TOGARAM1: variants seen among roughly 807,000 people sequenced by gnomAD.
TOGARAM1 encodes TOG array regulator of axonemal microtubules protein 1.
In TOGARAM1, 100 loss-of-function variants were observed where a neutral mutation model predicts 166.6. The observed-to-expected ratio is 0.60, with a 90% CI of 0.51 to 0.71. The LOEUF (loss-of-function observed/expected upper bound fraction) is 0.71, where lower values mean the gene tolerates loss of function less well. Ranked by LOEUF, TOGARAM1 falls within the 30% of genes least tolerant of loss-of-function variation. The probability of loss-of-function intolerance (pLI) is 0.00; values close to 1 mark genes in which losing one functional copy is unlikely to be tolerated. For missense variants in TOGARAM1, 2,029 were observed against 2,102.7 expected (o/e 0.96, Z 0.69); for synonymous variants, 758 against 763.8 (o/e 0.99, Z 0.13).
chr14:44,988,330 TGAGCC>T (rs1886959289), intron 1 of TOGARAM1, among the ~76,000 whole-genome samples: 2 of 152,218 alleles, frequency 1.3e-5, no homozygotes, highest in Admixed American at 1.3e-4. Flanking sequence ...ATGATGTTTA[TGAGCC>T]AATTGAAACA....
At chr14:44,985,646 T>C (rs1338564344) in intron 1 of TOGARAM1, among the ~76,000 whole-genome samples, 1 of 152,216 alleles carries the variant, frequency 6.6e-6, no homozygotes, top group Non-Finnish European at 1.5e-5. Flanking sequence ...GATGGGGAGC[T>C]ACTGTAAATA....
At chr14:44,998,452 C>T (rs940553046) in intron 2 of TOGARAM1, among the ~76,000 whole-genome samples, 8 of 152,178 alleles carry the variant, frequency 5.3e-5, no homozygotes, top group South Asian at 2.1e-4. Flanking sequence ...CTGTGGCTCA[C>T]GCCTGTAATC....
chr14:45,024,159 T>A (rs1371022474), intron 7 of TOGARAM1, among the ~76,000 whole-genome samples: 1 of 152,226 alleles, frequency 6.6e-6, no homozygotes, highest in African/African-American at 2.4e-5. Flanking sequence ...ACTAGTTTTT[T>A]TAGTTTGTAT....
At chr14:45,000,574 G>C (rs939606765) in intron 3 of TOGARAM1, among the ~76,000 whole-genome samples, 2 of 152,016 alleles carry the variant, frequency 1.3e-5, no homozygotes, top group African/African-American at 4.8e-5. Flanking sequence ...TTGTGTATAT[G>C]TACCACATTT....
intron 7 of TOGARAM1, among the ~76,000 whole-genome samples, chr14:45,013,863 A>G (rs1477050533): frequency 1.3e-5 from 2 of 152,102 alleles, no homozygotes; most frequent in Admixed American, 1.3e-4. Flanking sequence ...AATGGAACCC[A>G]CTTTTGGAAG....
chr14:44,984,904 T>A (rs987172455), intron 1 of TOGARAM1, among the ~76,000 whole-genome samples: 1 of 152,196 alleles, frequency 6.6e-6, no homozygotes, highest in South Asian at 2.1e-4. Context: ...CCCTGTAACT[T>A]TTGTACCTAG....
In TOGARAM1 at chr14:45,005,877, T is replaced by C. The variant is rs933504519; in HGVS notation, c.2645-131T>C. 1.9e-5 allele frequency: 12 copies of C among 627,492 alleles called. No homozygotes were observed. In the African/African-American group the frequency reaches 2.2e-4, roughly 11 times the overall value. 38.9% of individuals were successfully genotyped at this position (627,492 alleles called of 1,614,324 possible). A position where few individuals can be genotyped will look rare whatever the true frequency, so the allele number is the denominator to read the frequency against. ...TCGAAAGCCGAGGCTTTATTCAGCT[T>C]GTTCTCCCCAGTGACCAGCTATAAT... On this transcript the variant is annotated intron_variant, in intron 4 of 19. Transcript: ENST00000361462.
intron 7 of TOGARAM1, among the ~76,000 whole-genome samples, chr14:45,017,218 A>C (rs977252803): frequency 6.6e-6 from 1 of 152,204 alleles, no homozygotes; most frequent in African/African-American, 2.4e-5. Context: ...GAGGTTTTTC[A>C]TCTTACTCTG....
intron 15 of TOGARAM1, 35 bp from the exon 16 acceptor site, chr14:45,054,396 A>C (rs567940550): frequency 3.7e-6 from 5 of 1,352,398 alleles, no homozygotes; most frequent in Non-Finnish European, 5.1e-6. Flanking sequence ...CTAGTTTTAA[A>C]ATTTGTATTA....
At chr14:45,017,355 A>G (rs1438772806) in intron 7 of TOGARAM1, among the ~76,000 whole-genome samples, 1 of 151,870 alleles carries the variant, frequency 6.6e-6, no homozygotes. Flanking sequence ...AACACTAGGG[A>G]ATTTCTGCTG....
chr14:45,008,347 T>G (rs760826116), intron 5 of TOGARAM1, among the ~76,000 whole-genome samples: 1 of 152,026 alleles, frequency 6.6e-6, no homozygotes, highest in Non-Finnish European at 1.5e-5. Flanking sequence ...CAAGCGATTC[T>G]TGTGCCTCAG....
chr14:44,969,141 C>T lies in TOGARAM1; in HGVS notation c.2046+4674C>T, dbSNP rs797014057. On this transcript the variant is annotated intron_variant, in intron 1 of 19. Transcript: ENST00000361462. ...TCCTTCCTTCCTTCCTTCCTTCCTT[C>T]CTTCCTTTCTTTCTTTCTTTTCTTT... Among the ~76,000 whole-genome samples the T allele has an allele frequency of 2.0e-3, 254 of 126,786 alleles. 1 individual carries two copies. In the South Asian group the frequency reaches 0.027, roughly 14 times the overall value. 83.2% of individuals were successfully genotyped at this position (126,786 alleles called of 152,430 possible). A position where few individuals can be genotyped will look rare whatever the true frequency, so the allele number is the denominator to read the frequency against.
At position 45,025,770 on chromosome 14, in the gene TOGARAM1, G is replaced by A. The variant is rs1401865633; in HGVS notation, c.3239-13G>A. 3 of 1,518,104 alleles carry A rather than the reference G, an allele frequency of 2.0e-6. No individual in the cohort carries two copies. Among genetic ancestry groups the A allele is most frequent in the Non-Finnish European group, 2.7e-6 (3 of 1,097,830 alleles). The allele number at this position is 1,518,104 out of a possible 1,614,324, so 94.0% of individuals were successfully genotyped here. ...TGTTTAAGTATTTGTTTTGTTTTTT[G>A]GGGGATTTACAGGGTCATCATCAAA... is the stretch of plus-strand genomic sequence containing the variant. On this transcript the variant is annotated splice_polypyrimidine_tract_variant and intron_variant, in intron 7 of 19. Transcript: ENST00000361462.
At chr14:44,970,915 G>C (rs1168039988) in intron 1 of TOGARAM1, among the ~76,000 whole-genome samples, 1 of 152,006 alleles carries the variant, frequency 6.6e-6, no homozygotes. Context: ...TATTCATTTT[G>C]TATATTGTTG....
At position 45,012,030 on chromosome 14, in the gene TOGARAM1, G is replaced by A. The variant is rs1879835024; in HGVS notation, c.3193G>A (p.Ala1065Thr). The stretch of plus-strand genomic sequence containing the variant: ...ACCTTGTCCAACAAGACTTTCTTCT[G>A]CAAAGAAAAAAATTTCTCATATTGC... ...SKPCPTRLSS[A>T]KKKISHIAEQ... The change falls in exon 7 of 20, where the codon GCA becomes ACA. Residue 1065 changes from alanine to threonine, a missense_variant. By Grantham distance (58) the Ala-to-Thr change is moderately conservative (BLOSUM62 0). Coordinates refer to ENST00000361462, the MANE Select transcript of TOGARAM1 (RefSeq NM_001308120.2). 6 of 1,610,808 alleles carry A rather than the reference G, an allele frequency of 3.7e-6. No individual in the cohort carries two copies. The highest frequency in any genetic ancestry group is 3.3e-5 in the South Asian group (3 of 90,452).
rs1162228721 is a variant in TOGARAM1, at chr14:45,025,712, C to A, written c.3239-71C>A. 20 of 812,906 alleles carry A rather than the reference C, an allele frequency of 2.5e-5. No individual in the cohort carries two copies. In the East Asian group the frequency reaches 4.9e-4, roughly 20 times the overall value. The allele number at this position is 812,906 out of a possible 1,614,324, so 50.4% of individuals were successfully genotyped here. On this transcript the variant is annotated intron_variant, in intron 7 of 19. Coordinates refer to ENST00000361462, the MANE Select transcript of TOGARAM1 (RefSeq NM_001308120.2). Reference sequence around the variant, plus strand: ...TTTTCAGTTTTAAAAGACTATGTTACAATATCCTAAGATACTACATAATAA... The same window carrying A: ...TTTTCAGTTTTAAAAGACTATGTTAAAATATCCTAAGATACTACATAATAA...
chr14:45,028,121 T>C (rs966542463), intron 9 of TOGARAM1, 55 bp from the exon 10 acceptor site: 3 of 1,452,236 alleles, frequency 2.1e-6, no homozygotes, highest in South Asian at 1.3e-5. Context: ...GAGATGAAGA[T>C]ATTTTAAATA....
chr14:45,026,048 A>G (rs1464874814), intron 8 of TOGARAM1, among the ~76,000 whole-genome samples, 176 bp downstream of exon 8: 2 of 152,216 alleles, frequency 1.3e-5, no homozygotes, highest in African/African-American at 2.4e-5. Flanking sequence ...TCACATTTCT[A>G]TCTTCTAATG....
intron 16 of TOGARAM1, among the ~76,000 whole-genome samples, chr14:45,062,961 C>T (rs1258605706): frequency 6.6e-6 from 1 of 152,112 alleles, no homozygotes; most frequent in Non-Finnish European, 1.5e-5. Context: ...AGTCATGCCC[C>T]ATTTCTCAAC....
Sources: gnomAD v4.1 joint callset for allele counts (sites outside exome capture counted in the v4.1 genomes callset) on GRCh38, gnomAD v4.1.1 for gene constraint, MANE v1.5 for transcripts, NCBI Gene and HGNC (gene_info 2026-07-23, HGNC 2026-07-21) for gene names.